The following DNER variants were observed in gnomAD, a reference collection of about 807,000 sequenced individuals.
The protein encoded by DNER is delta and Notch-like epidermal growth factor-related receptor.
Under a neutral mutation model 78.2 loss-of-function variants are expected in DNER, and 33 were observed. That is an observed-to-expected ratio of 0.42 (90% CI 0.32 to 0.56). The LOEUF is 0.56. Among genes scored for constraint, DNER ranks in the 20% least tolerant of loss-of-function variants. The pLI, the probability that DNER is intolerant of heterozygous loss-of-function variation, is 0.11. For synonymous variants in DNER, 417 were observed against 384.8 expected, an observed-to-expected ratio of 1.08 and a Z score of -0.98; for missense variants, 918 against 975.3, an observed-to-expected ratio of 0.94 and a Z score of 0.78.
chr2:229,689,700 C>T (rs1428663794), intron 1 of DNER, among the ~76,000 whole-genome samples: 1 of 152,138 alleles, frequency 6.6e-6, no homozygotes, highest in Non-Finnish European at 1.5e-5. Context: ...AATGGCTCTC[C>T]CTGGCTGCAA....
At chr2:229,588,876 C>T (rs1697548768) in intron 2 of DNER, among the ~76,000 whole-genome samples, 1 of 152,168 alleles carries the variant, frequency 6.6e-6, no homozygotes, top group Admixed American at 6.5e-5. Flanking sequence ...TTACAAACAG[C>T]AGGTAAAAGC....
intron 4 of DNER, among the ~76,000 whole-genome samples, chr2:229,552,953 G>T (rs1696777475): frequency 6.6e-6 from 1 of 152,158 alleles, no homozygotes; most frequent in Non-Finnish European, 1.5e-5. Flanking sequence ...CCACCTGGAT[G>T]AAATCAATTG....
chr2:229,391,536 T>C (rs1239177745), intron 10 of DNER, among the ~76,000 whole-genome samples: 2 of 151,914 alleles, frequency 1.3e-5, no homozygotes, highest in Non-Finnish European at 2.9e-5. Context: ...TTTATAATTC[T>C]TTTTTCTTTT....
At chr2:229,582,473 A>G (rs1697417533) in intron 4 of DNER, among the ~76,000 whole-genome samples, 1 of 152,202 alleles carries the variant, frequency 6.6e-6, no homozygotes, top group South Asian at 2.1e-4. Flanking sequence ...ACAAAGCCAC[A>G]TAAAAGACCC....
Position 229,358,601 on chromosome 2 carries a change from TAGGCGATGGGGCTC to T in DNER, c.2139_2152del (p.Ser714Ter). On this transcript the variant is annotated frameshift_variant, in exon 13 of 13. Coordinates refer to ENST00000341772, the MANE Select transcript of DNER (RefSeq NM_139072.4). LOFTEE classifies it high-confidence loss of function. ...TTTGTCATCAGGACTGTAATCTTCA[TAGGCGATGGGGCTC>T]ACATCATACATTGCAGGCCGGGATT... The T allele has an allele frequency of 6.2e-7, 1 of 1,614,064 alleles. No individual in the cohort carries two copies.
chr2:229,515,635 C>CTTTT (rs1409850665), intron 5 of DNER, among the ~76,000 whole-genome samples: 11 of 123,248 alleles, frequency 8.9e-5, no homozygotes, highest in Non-Finnish European at 1.0e-4. Flanking sequence ...TTCAAGTTAG[C>CTTTT]TTTATTTTTT....
At chr2:229,615,108 G>T (rs1247117196) in intron 1 of DNER, among the ~76,000 whole-genome samples, 1 of 152,148 alleles carries the variant, frequency 6.6e-6, no homozygotes, top group African/African-American at 2.4e-5. Context: ...GTCGTCCAAA[G>T]GGTTTAGAAT....
In DNER at chr2:229,534,103, GAACAGACCAATAGATTGTAATGA is replaced by G. The variant is rs1453792887; in HGVS notation, c.993+12821_993+12843del. Among the ~76,000 whole-genome samples, 26 of 152,188 alleles carry G rather than the reference GAACAGACCAATAGATTGTAATGA, an allele frequency of 1.7e-4. No homozygotes were observed. In the East Asian group the frequency reaches 4.6e-3, roughly 27 times the overall value. On this transcript the variant is annotated intron_variant, in intron 5 of 12. Transcript: ENST00000341772. The stretch of plus-strand genomic sequence containing the variant: ...TTATAGATCGTAATAGATGGTAATG[GAACAGACCAATAGATTGTAATGA>G]AACAGGCCAAGAGATTGTAATGAAA...
At chr2:229,486,619 G>C (rs1018597547) in intron 6 of DNER, among the ~76,000 whole-genome samples, 3 of 152,252 alleles carry the variant, frequency 2.0e-5, no homozygotes, top group East Asian at 1.9e-4. Flanking sequence ...TCAAGCAGCA[G>C]GTACCATTTC....
chr2:229,597,572 T>C (rs1288959904), intron 1 of DNER, among the ~76,000 whole-genome samples: 4 of 152,178 alleles, frequency 2.6e-5, no homozygotes, highest in Non-Finnish European at 4.4e-5. Flanking sequence ...GACCTAACTT[T>C]GGGAATGCAT....
intron 1 of DNER, among the ~76,000 whole-genome samples, chr2:229,617,896 G>A (rs1367033057): frequency 6.6e-6 from 1 of 152,208 alleles, no homozygotes; most frequent in Non-Finnish European, 1.5e-5. Flanking sequence ...AAACTGCAGT[G>A]AGCCAACATC....
At chr2:229,442,479 C>T (rs1410402594) in intron 8 of DNER, among the ~76,000 whole-genome samples, 1 of 150,840 alleles carries the variant, frequency 6.6e-6, no homozygotes, top group Non-Finnish European at 1.5e-5. Flanking sequence ...TGTGCCACTG[C>T]ACTCCAGCCT....
At chr2:229,514,776 C>T (rs1559154241) in intron 5 of DNER, among the ~76,000 whole-genome samples, 2 of 152,180 alleles carry the variant, frequency 1.3e-5, no homozygotes, top group Non-Finnish European at 2.9e-5. Context: ...GGATGCCCCT[C>T]ACAACAACTG....
intron 1 of DNER, among the ~76,000 whole-genome samples, chr2:229,622,320 A>G (rs144137479): frequency 6.6e-6 from 1 of 152,158 alleles, no homozygotes; most frequent in Non-Finnish European, 1.5e-5. Flanking sequence ...TCCCCATATG[A>G]CTTAGATAAG....
chr2:229,667,011 C>A (rs1699103841), intron 1 of DNER, among the ~76,000 whole-genome samples: 1 of 152,214 alleles, frequency 6.6e-6, no homozygotes, highest in African/African-American at 2.4e-5. Context: ...AAGAGTCACC[C>A]CGGCAGAGGG....
intron 1 of DNER, among the ~76,000 whole-genome samples, chr2:229,601,323 G>C (rs1486754779): frequency 1.3e-5 from 2 of 151,774 alleles, no homozygotes; most frequent in East Asian, 3.9e-4. Flanking sequence ...TACTCACCAG[G>C]AATAAAGATA....
At chr2:229,547,299 C>T (rs993852562) in intron 4 of DNER, among the ~76,000 whole-genome samples, 3 of 152,206 alleles carry the variant, frequency 2.0e-5, no homozygotes, top group African/African-American at 4.8e-5. Context: ...CAGGCTGGTC[C>T]TCCCAAGCCT....
intron 8 of DNER, among the ~76,000 whole-genome samples, chr2:229,434,423 A>G (rs142938490): frequency 3.4e-4 from 52 of 152,370 alleles, no homozygotes; most frequent in Middle Eastern, 3.4e-3. Context: ...TGAAGCTGAC[A>G]GTCAGGACTT....
chr2:229,418,135 C>T lies in DNER; in HGVS notation c.1582G>A (p.Glu528Lys), dbSNP rs747310659. 2 of 1,614,088 alleles carry T rather than the reference C, an allele frequency of 1.2e-6. No homozygotes were observed. The highest frequency in any genetic ancestry group is 1.7e-5 in the Admixed American group (1 of 60,008). Residue 528 changes from glutamate (E) to lysine (K), a missense_variant, in exon 9 of 13, where the codon GAG becomes AAG. Physicochemically the swap from Glu to Lys is moderately conservative, Grantham distance 56. Coordinates refer to ENST00000341772, the MANE Select transcript of DNER (RefSeq NM_139072.4). Reference sequence around the variant, plus strand: ...TTGTATTCTGCCAGGCACACACACTCATAGCCATTAACGAGGTCCCTGCAG... The same window carrying T: ...TTGTATTCTGCCAGGCACACACACTTATAGCCATTAACGAGGTCCCTGCAG... ...ATCRDLVNGY[E>K]CVCLAEYKGT...
Sources: gnomAD v4.1 joint callset for allele counts (sites outside exome capture counted in the v4.1 genomes callset) on GRCh38, gnomAD v4.1.1 for gene constraint, MANE v1.5 for transcripts, NCBI Gene and HGNC (gene_info 2026-07-23, HGNC 2026-07-21) for gene names.